Variants in CARF observed in about 807,000 individuals in gnomAD.
CARF encodes the protein calcium-responsive transcription factor.
In CARF, 57 loss-of-function variants were observed where a neutral mutation model predicts 82.0. The observed-to-expected ratio is 0.70, with a 90% CI of 0.56 to 0.87. The LOEUF (loss-of-function observed/expected upper bound fraction) is 0.87. Among genes scored for constraint, CARF ranks in the 40% least tolerant of loss-of-function variants. The probability of loss-of-function intolerance (pLI) is 0.00; values close to 1 mark genes in which losing one functional copy is unlikely to be tolerated. For synonymous variants in CARF, 268 were observed against 290.1 expected (o/e 0.92, Z 0.77); for missense variants, 771 against 855.8 (o/e 0.90, Z 1.24).
At chr2:202,974,612 C>A in intron 13 of CARF, 116 bp downstream of exon 13, 3 of 988,894 alleles carry the variant, frequency 3.0e-6, no homozygotes, top group Non-Finnish European at 4.3e-6. Flanking sequence ...TAAGCAAATA[C>A]AATAGGCCGG....
chr2:202,927,394 T>C (rs1692053356), intron 3 of CARF, among the ~76,000 whole-genome samples: 1 of 152,156 alleles, frequency 6.6e-6, no homozygotes, highest in Non-Finnish European at 1.5e-5. Flanking sequence ...ATTGATGATA[T>C]ACAACATGAT....
chr2:202,937,798 T>C (rs1361254121), intron 3 of CARF, among the ~76,000 whole-genome samples: 1 of 152,054 alleles, frequency 6.6e-6, no homozygotes. Context: ...CTAGTTTTTA[T>C]ATTTTTAGTA....
chr2:202,964,950 A>G (rs116603941), intron 9 of CARF, among the ~76,000 whole-genome samples: 2,960 of 150,924 alleles, frequency 0.02, 42 homozygotes, highest in Non-Finnish European at 0.032. Context: ...ACTTAATAAG[A>G]AAATTAACAG....
intron 12 of CARF, among the ~76,000 whole-genome samples, chr2:202,973,239 T>C (rs1415678744): frequency 6.6e-6 from 1 of 152,222 alleles, no homozygotes; most frequent in Non-Finnish European, 1.5e-5. Flanking sequence ...TTAGACATTT[T>C]ATATTTATTT....
intron 3 of CARF, among the ~76,000 whole-genome samples, chr2:202,927,571 TTG>T (rs1233413225): frequency 2.6e-5 from 4 of 152,134 alleles, no homozygotes; most frequent in Non-Finnish European, 4.4e-5. Flanking sequence ...TGACACATAA[TTG>T]TATAAGTTAA....
At chr2:202,982,988 C>A (rs546261325) in intron 16 of CARF, among the ~76,000 whole-genome samples, 1 of 152,226 alleles carries the variant, frequency 6.6e-6, no homozygotes, top group South Asian at 2.1e-4. Flanking sequence ...TTGGTTCAAG[C>A]GATCTTCCCA....
At chr2:202,921,516 A>T (rs1690783806) in intron 2 of CARF, among the ~76,000 whole-genome samples, 1 of 152,176 alleles carries the variant, frequency 6.6e-6, no homozygotes, top group Non-Finnish European at 1.5e-5. Context: ...CATGAAATAA[A>T]CCTGATTTTA....
chr2:202,986,894 A>ACG lies in CARF; in HGVS notation c.*3270_*3271insCG, dbSNP rs1180357743. 51 of 131,384 alleles carry ACG rather than the reference A, an allele frequency of 3.9e-4. No homozygotes were observed. Among genetic ancestry groups the ACG allele is most frequent in the Non-Finnish European group, 6.6e-4 (39 of 59,476 alleles). The allele number at this position is 131,384 out of a possible 1,614,324, so 8.1% of individuals were successfully genotyped here. ...TATATATATATATATATATATATAT[A>ACG]TATATATATATATAGCAACTTGATG... is the stretch of plus-strand genomic sequence containing the variant. On this transcript the variant is annotated 3_prime_UTR_variant, in exon 17 of 17. Coordinates refer to ENST00000438828, the MANE Select transcript of CARF (RefSeq NM_024744.17).
chr2:202,951,340 C>G (rs748342052), intron 5 of CARF, among the ~76,000 whole-genome samples: 2 of 152,128 alleles, frequency 1.3e-5, no homozygotes, highest in African/African-American at 4.8e-5. Flanking sequence ...CCTCAAGTAA[C>G]TCCCTTAAAA....
At chr2:202,970,636 T>A (rs2059751160) in intron 11 of CARF, among the ~76,000 whole-genome samples, 2 of 152,176 alleles carry the variant, frequency 1.3e-5, no homozygotes, top group Admixed American at 1.3e-4. Flanking sequence ...TTTCGTGTGA[T>A]CTTTAAAAAA....
At chr2:202,971,825 A>G in intron 12 of CARF, 87 bp downstream of exon 12, 1 of 845,788 alleles carries the variant, frequency 1.2e-6, no homozygotes, top group Non-Finnish European at 1.9e-6. Flanking sequence ...ATATTTTCCA[A>G]AATATATGCT....
chr2:202,955,108 ATGCTTTT>A (rs1283419232), intron 7 of CARF, among the ~76,000 whole-genome samples: 5 of 152,218 alleles, frequency 3.3e-5, no homozygotes, highest in African/African-American at 1.2e-4. Flanking sequence ...AATGTTTAAA[ATGCTTTT>A]TGCTAACTTT....
At chr2:202,921,003 T>G (rs1423097729) in intron 2 of CARF, among the ~76,000 whole-genome samples, 3 of 152,100 alleles carry the variant, frequency 2.0e-5, no homozygotes, top group African/African-American at 4.8e-5. Flanking sequence ...AATCTTAGTA[T>G]TATTATTATA....
intron 13 of CARF, among the ~76,000 whole-genome samples, chr2:202,974,857 C>A (rs2059958951): frequency 6.6e-6 from 1 of 151,934 alleles, no homozygotes; most frequent in Admixed American, 6.6e-5. Flanking sequence ...TGAGACTGCA[C>A]CACTGTACTC....
intron 8 of CARF, among the ~76,000 whole-genome samples, chr2:202,956,100 A>G (rs1374548915): frequency 6.7e-6 from 1 of 149,542 alleles, no homozygotes; most frequent in Non-Finnish European, 1.5e-5. Context: ...TCATATTATC[A>G]GTAGAAAATT....
chr2:202,919,523 A>C (rs1690383321), intron 2 of CARF, among the ~76,000 whole-genome samples: 1 of 152,194 alleles, frequency 6.6e-6, no homozygotes, highest in South Asian at 2.1e-4. Flanking sequence ...TTCAGTGACT[A>C]CAATGCCTGC....
At chr2:202,950,285 A>G (rs904902260) in intron 5 of CARF, among the ~76,000 whole-genome samples, 8 of 152,198 alleles carry the variant, frequency 5.3e-5, no homozygotes, top group Non-Finnish European at 8.8e-5. Flanking sequence ...TATTCCACAG[A>G]TCAGTCTTAA....
chr2:202,981,746 T>C (rs2060272330), intron 15 of CARF, 61 bp downstream of exon 15: 1 of 1,406,044 alleles, frequency 7.1e-7, no homozygotes, highest in East Asian at 2.3e-5. Flanking sequence ...CATTTACCTC[T>C]TCTTCTCCTA....
At chr2:202,915,554 C>T (rs1465395870) in intron 1 of CARF, among the ~76,000 whole-genome samples, 1 of 152,152 alleles carries the variant, frequency 6.6e-6, no homozygotes, top group Non-Finnish European at 1.5e-5. Context: ...ACTGCAACCT[C>T]CAACTCCCTG....
Sources: gnomAD v4.1 joint callset for allele counts (sites outside exome capture counted in the v4.1 genomes callset) on GRCh38, gnomAD v4.1.1 for gene constraint, MANE v1.5 for transcripts, NCBI Gene and HGNC (gene_info 2026-07-23, HGNC 2026-07-21) for gene names.